The following TBX2 variants were observed in gnomAD, a reference collection of about 807,000 sequenced individuals.
The protein encoded by TBX2 is T-box transcription factor TBX2.
Under a neutral mutation model 48.4 loss-of-function variants are expected in TBX2, and 19 were observed. The observed-to-expected ratio is 0.39, with a 90% CI of 0.27 to 0.58. The LOEUF (loss-of-function observed/expected upper bound fraction) is 0.58, where lower values mean the gene tolerates loss of function less well. Ranked by LOEUF, TBX2 falls within the 20% of genes least tolerant of loss-of-function variation. The pLI is 0.54. For missense variants in TBX2, 994 were observed against 1,006.5 expected (o/e 0.99, Z 0.17); for synonymous variants, 522 against 459.7 (o/e 1.14, Z -1.73).
In TBX2 at chr17:61,400,311, C is replaced by T. The variant is rs1279786889; in HGVS notation, c.135C>T (p.Pro45=). 9.2e-7 allele frequency: 1 copy of T among 1,083,644 alleles called. No homozygotes were observed. The highest frequency in any genetic ancestry group is 2.4e-5 in the South Asian group (1 of 42,202). The allele number at this position is 1,083,644 out of a possible 1,614,324, so 67.1% of individuals were successfully genotyped here. ...TCTTCCCGGCACTCGCGCTGCCGCCCGGCGCGCTGGCCAAGCCGCTGCCCG... is the reference window on the plus strand; with the variant it reads ...TCTTCCCGGCACTCGCGCTGCCGCCTGGCGCGCTGGCCAAGCCGCTGCCCG... The part of the protein sequence containing the change: ...PSFFPALALP[P]GALAKPLPDP... Residue 45 remains proline, a synonymous_variant, in exon 1 of 7, where the codon CCC becomes CCT. Coordinates refer to ENST00000240328, the MANE Select transcript of TBX2 (RefSeq NM_005994.4). The surrounding 1 kb of genome is among the most constrained non-coding windows in gnomAD (Gnocchi z 9.2).
In TBX2 at chr17:61,408,460, TG is replaced by T; in HGVS notation, c.2095del (p.Glu699ArgfsTer163). On this transcript the variant is annotated frameshift_variant, in exon 7 of 7. Transcript: ENST00000240328. LOFTEE classifies it high-confidence loss of function. ...LQSIQRLVSG[L>X]ESQRALSPGR... ...AGCATCCAGAGACTGGTGAGTGGGC[TG>T]GAGAGCCAGCGAGCCCTCTCCCCAG... is the stretch of plus-strand genomic sequence containing the variant. 6.8e-7 allele frequency: 1 copy of T among 1,467,314 alleles called. No individual in the cohort carries two copies. Among genetic ancestry groups the T allele is most frequent in the Non-Finnish European group, 9.0e-7 (1 of 1,105,834 alleles). 90.9% of individuals were successfully genotyped at this position (1,467,314 alleles called of 1,614,324 possible).
rs1157951417 is a variant in TBX2, at chr17:61,405,834, C to A, written c.1684C>A (p.Gln562Lys). 1.5e-6 allele frequency: 2 copies of A among 1,309,032 alleles called. No individual in the cohort carries two copies. The highest frequency in any genetic ancestry group is 2.9e-5 in the South Asian group (1 of 34,076). The allele number at this position is 1,309,032 out of a possible 1,614,324, so 81.1% of individuals were successfully genotyped here. A position where few individuals can be genotyped will look rare whatever the true frequency, so the allele number is the denominator to read the frequency against. ...FHLSQHMLAS[Q>K]GIPMPTFGGL... Reference sequence around the variant, plus strand: ...CCTCTCCCAGCACATGCTGGCATCTCAGGTAAGGCCTGTGACCCCGCGGCA... The same window carrying A: ...CCTCTCCCAGCACATGCTGGCATCTAAGGTAAGGCCTGTGACCCCGCGGCA... The change falls in exon 6 of 7, where the codon CAG (glutamine) becomes AAG (lysine). Residue 562 changes from glutamine to lysine, a missense_variant and splice_region_variant. Transcript: ENST00000240328.
chr17:61,405,808 A>G lies in TBX2; in HGVS notation c.1658A>G (p.His553Arg), dbSNP rs2060286627. 2 of 1,324,810 alleles carry G rather than the reference A, an allele frequency of 1.5e-6. No individual in the cohort carries two copies. Among genetic ancestry groups the G allele is most frequent in the African/African-American group, 1.5e-5 (1 of 65,594 alleles). The allele number at this position is 1,324,810 out of a possible 1,614,324, so 82.1% of individuals were successfully genotyped here. Residue 553 changes from histidine to arginine, a missense_variant, in exon 6 of 7, where the codon CAC (histidine) becomes CGC (arginine). Physicochemically the swap from His to Arg is conservative, Grantham distance 29. Around this residue, in one of 5 missense-constraint regions of TBX2, gnomAD observed 639 missense variants for 613.2 expected, o/e 1.04. Transcript: ENST00000240328. ...AGCACCGCCGCGCCCTTCCCGTTCC[A>G]CCTCTCCCAGCACATGCTGGCATCT... ...AASTAAPFPF[H>R]LSQHMLASQG...
In TBX2 at chr17:61,405,215, G is replaced by C; in HGVS notation, c.1065G>C (p.Ser355=). The change falls in exon 6 of 7, where the codon TCG becomes TCC. Residue 355 remains serine (S), a synonymous_variant. Coordinates refer to ENST00000240328, the MANE Select transcript of TBX2 (RefSeq NM_005994.4). ...RLHRARAEEK[S]CAADSDPEPE... is the part of the protein sequence containing the mutation. ...CTCTCCCCGCAGCTGAGGAGAAGTCGTGCGCCGCGGACAGCGACCCGGAGC... is the reference window on the plus strand; with the variant it reads ...CTCTCCCCGCAGCTGAGGAGAAGTCCTGCGCCGCGGACAGCGACCCGGAGC... 4 of 1,545,006 alleles carry C rather than the reference G, an allele frequency of 2.6e-6. No homozygotes were observed. The highest frequency in any genetic ancestry group is 3.5e-6 in the Non-Finnish European group (4 of 1,154,882).
chr17:61,407,986 C>T, intron 6 of TBX2, 68 bp from the exon 7 acceptor site: 1 of 1,502,052 alleles, frequency 6.7e-7, no homozygotes, highest in South Asian at 1.3e-5. Context: ...CAGGGGATAG[C>T]ACCCAGCCCA....
chr17:61,404,570 G>C (rs1354306412), intron 4 of TBX2, 36 bp from the exon 5 acceptor site: 1 of 1,593,298 alleles, frequency 6.3e-7, no homozygotes, highest in Non-Finnish European at 8.5e-7. Flanking sequence ...GGAGGGATGG[G>C]CTCCCCGCTG....
At position 61,404,696 on chromosome 17, in the gene TBX2, C is replaced by T; in HGVS notation, c.978C>T (p.Asp326=). The change falls in exon 5 of 7, where the codon GAC becomes GAT. Residue 326 remains aspartate (D), a synonymous_variant. Transcript: ENST00000240328. ...DGAESDASSC[D]PPPAREPPTS... The stretch of plus-strand genomic sequence containing the variant: ...CGGAGTCAGACGCCTCGTCGTGCGA[C>T]CCTCCCCCCGCGCGGGAACCACCCA... 2 of 1,573,026 alleles carry T rather than the reference C, an allele frequency of 1.3e-6. No individual in the cohort carries two copies. The highest frequency in any genetic ancestry group is 8.6e-7 in the Non-Finnish European group (1 of 1,159,762).
chr17:61,406,758 G>C lies in TBX2; in HGVS notation c.1686+922G>C, dbSNP rs1358471003. 6.9e-6 allele frequency: 1 copy of C among 143,984 alleles called. No homozygotes were observed. Among genetic ancestry groups the C allele is most frequent in the Non-Finnish European group, 1.5e-5 (1 of 66,972 alleles). The allele number at this position is 143,984 out of a possible 1,614,324, so 8.9% of individuals were successfully genotyped here. ...GGTGGGTGGGGGGGTGGGGGGTTGG[G>C]AGGCAGGCGATTCTGAAATGAGTTT... On this transcript the variant is annotated intron_variant, in intron 6 of 6. Transcript: ENST00000240328. The surrounding 1 kb of genome is among the most constrained non-coding windows in gnomAD (Gnocchi z 5.7).
In TBX2 at chr17:61,403,199, A is replaced by G; in HGVS notation, c.802A>G (p.Asn268Asp). ...CTTCATCGCCGTCACTGCCTACCAG[A>G]ATGACAAGGTGCGCGCGGCGGGCGG... ...TDFIAVTAYQ[N>D]DKITQLKIDN... The change falls in exon 3 of 7, where the codon AAT becomes GAT. Residue 268 changes from asparagine (N) to aspartate (D), a missense_variant. Asn to Asp is a conservative substitution (Grantham distance 23, BLOSUM62 1). This residue lies in a region of TBX2 where 14 missense variants were observed against 43.4 expected (regional missense o/e 0.32). Transcript: ENST00000240328. This position sits in a 1 kb window ranked among gnomAD's most constrained non-coding sequence, Gnocchi z 5.8. 1 of 1,613,088 alleles carries G rather than the reference A, an allele frequency of 6.2e-7. No homozygotes were observed. The highest frequency in any genetic ancestry group is 8.5e-7 in the Non-Finnish European group (1 of 1,179,974).
rs1198104172 is a variant in TBX2 at position 61,403,223 on chromosome 17, G to A, written c.810+16G>A. 6.2e-7 allele frequency: 1 copy of A among 1,610,876 alleles called. No homozygotes were observed. The highest frequency in any genetic ancestry group is 8.5e-7 in the Non-Finnish European group (1 of 1,179,848). ...GAATGACAAGGTGCGCGCGGCGGGC[G>A]GTGGGCTAAGCCCCTGCACTGACGC... On this transcript the variant is annotated intron_variant, in intron 3 of 6. Transcript: ENST00000240328. The surrounding 1 kb of genome is among the most constrained non-coding windows in gnomAD (Gnocchi z 5.8).
chr17:61,404,915 G>A (rs2060281455), intron 5 of TBX2, 146 bp downstream of exon 5: 4 of 1,329,328 alleles, frequency 3.0e-6, no homozygotes, highest in Non-Finnish European at 4.2e-6. Flanking sequence ...TCCGTCCCGG[G>A]ACTCCCCTAC....
chr17:61,402,968 G>GAGAGAGAGAA, intron 2 of TBX2, 93 bp from the exon 3 acceptor site: 3 of 185,028 alleles, frequency 1.6e-5, no homozygotes, highest in African/African-American at 5.9e-5. Flanking sequence ...GAGAGAGAGA[G>GAGAGAGAGAA]AGAAAGTGGA....
rs961696345 is a variant in TBX2 at position 61,403,329 on chromosome 17, C to G, written c.810+122C>G. Reference sequence around the variant, plus strand: ...CGGGATCCGCGCTCTTGCGGCCCGCCCCCGAGCACCGAGCCTCGCATCCAT... The same window carrying G: ...CGGGATCCGCGCTCTTGCGGCCCGCGCCCGAGCACCGAGCCTCGCATCCAT... On this transcript the variant is annotated intron_variant, in intron 3 of 6. Transcript: ENST00000240328. The surrounding 1 kb of genome is among the most constrained non-coding windows in gnomAD (Gnocchi z 5.8). 3 of 1,448,270 alleles carry G rather than the reference C, an allele frequency of 2.1e-6. No individual in the cohort carries two copies. The highest frequency in any genetic ancestry group is 2.8e-6 in the Non-Finnish European group (3 of 1,087,230). 89.7% of individuals were successfully genotyped at this position (1,448,270 alleles called of 1,614,324 possible).
chr17:61,403,832 C>T lies in TBX2; in HGVS notation c.811-589C>T, dbSNP rs756837222. 5.9e-5 allele frequency among the ~76,000 whole-genome samples: 9 copies of T among 152,146 alleles called. No homozygotes were observed. The highest frequency in any genetic ancestry group is 1.2e-4 in the Non-Finnish European group (8 of 68,024). On this transcript the variant is annotated intron_variant, in intron 3 of 6. Transcript: ENST00000240328. The surrounding 1 kb of genome is among the most constrained non-coding windows in gnomAD (Gnocchi z 5.8). ...CCTCTAGGCCTGTGCCCTTGTGCGC[C>T]ACTGTCGAGTGAAAGAGAGGGTACG...
chr17:61,403,272 CGTCCGTTCA>C lies in TBX2; in HGVS notation c.810+66_810+74del. 1 of 1,579,596 alleles carries C rather than the reference CGTCCGTTCA, an allele frequency of 6.3e-7. No individual in the cohort carries two copies. Among genetic ancestry groups the C allele is most frequent in the Non-Finnish European group, 8.5e-7 (1 of 1,171,114 alleles). On this transcript the variant is annotated intron_variant, in intron 3 of 6. Coordinates refer to ENST00000240328, the MANE Select transcript of TBX2 (RefSeq NM_005994.4). This position sits in a 1 kb window ranked among gnomAD's most constrained non-coding sequence, Gnocchi z 5.8. Reference sequence around the variant, plus strand: ...GCCCCTCAACACGTGCAGGCCCAACCGTCCGTTCATCGCCCCTCGAAGCCCCCTGCACGG... The same window carrying C: ...GCCCCTCAACACGTGCAGGCCCAACCTCGCCCCTCGAAGCCCCCTGCACGG...
In TBX2 at chr17:61,400,587, G is replaced by T; in HGVS notation, c.395+16G>T. 3 of 1,541,016 alleles carry T rather than the reference G, an allele frequency of 1.9e-6. No individual in the cohort carries two copies. The highest frequency in any genetic ancestry group is 2.5e-5 in the East Asian group (1 of 40,538). Reference sequence around the variant, plus strand: ...AGTCCGGGAGGTAGGGCTGCCGGCCGGCTGGAAGGCGCGCGGGCGGGCGGG... The same window carrying T: ...AGTCCGGGAGGTAGGGCTGCCGGCCTGCTGGAAGGCGCGCGGGCGGGCGGG... On this transcript the variant is annotated intron_variant, in intron 1 of 6. Transcript: ENST00000240328. The surrounding 1 kb of genome is among the most constrained non-coding windows in gnomAD (Gnocchi z 9.2).
intron 6 of TBX2, chr17:61,407,808 G>A: frequency 1.9e-6 from 1 of 527,976 alleles, no homozygotes; most frequent in Non-Finnish European, 3.3e-6. Context: ...CTGCTGTAAT[G>A]CCCAGCACAG....
chr17:61,403,940 CTGTGGAGGCA>C lies in TBX2; in HGVS notation c.811-476_811-467del, dbSNP rs1314933931. 1.3e-5 allele frequency among the ~76,000 whole-genome samples: 2 copies of C among 152,090 alleles called. No individual in the cohort carries two copies. The highest frequency in any genetic ancestry group is 4.8e-5 in the African/African-American group (2 of 41,404). On this transcript the variant is annotated intron_variant, in intron 3 of 6. Coordinates refer to ENST00000240328, the MANE Select transcript of TBX2 (RefSeq NM_005994.4). This position sits in a 1 kb window ranked among gnomAD's most constrained non-coding sequence, Gnocchi z 5.8. The stretch of plus-strand genomic sequence containing the variant: ...GCCCCGTTTGGGGTGTGTTGGATAC[CTGTGGAGGCA>C]TGTGAATTCGTTTGGTTCCGTAGGC...
At position 61,404,729 on chromosome 17, in the gene TBX2, G is replaced by C. The variant is rs774436877; in HGVS notation, c.1011G>C (p.Pro337=). The C allele has an allele frequency of 1.3e-6, 2 of 1,553,594 alleles. No individual in the cohort carries two copies. Among genetic ancestry groups the C allele is most frequent in the South Asian group, 1.2e-5 (1 of 85,198 alleles). Residue 337 remains proline, a synonymous_variant, in exon 5 of 7, where the codon CCG becomes CCC. Transcript: ENST00000240328. ...CCGCGCGGGAACCACCCACCTCCCC[G>C]GGCGCAGCGCCCAGTCCGCTGCGCC... is the stretch of plus-strand genomic sequence containing the variant. The part of the protein sequence containing the change: ...PPPAREPPTS[P]GAAPSPLRLH...
Sources: allele counts gnomAD v4.1 joint callset (sites outside exome capture counted in the v4.1 genomes callset), GRCh38; gene constraint gnomAD v4.1.1; regional missense constraint gnomAD v4.1.1; non-coding constraint Gnocchi (gnomAD v3.1); transcripts MANE v1.5; gene names NCBI Gene and HGNC (gene_info 2026-07-23, HGNC 2026-07-21).